Variants in ITK observed in about 807,000 individuals in gnomAD.
The protein encoded by ITK is IL2 inducible T cell kinase, also known as tyrosine-protein kinase ITK/TSK.
A neutral mutation model predicts 87.6 loss-of-function variants in ITK; 45 were observed. The observed-to-expected ratio is 0.51, with a 90% confidence interval of 0.40 to 0.66. ITK has a LOEUF of 0.66. Among genes scored for constraint, ITK ranks in the 30% least tolerant of loss-of-function variants. ITK has a pLI of 0.00. For missense variants in ITK, 605 were observed against 766.3 expected (o/e 0.79, Z 2.48); for synonymous variants, 303 against 273.6 (o/e 1.11, Z -1.06).
At chr5:157,224,622 A>G (rs999141118) in intron 6 of ITK, among the ~76,000 whole-genome samples, 5 of 152,106 alleles carry the variant, frequency 3.3e-5, no homozygotes, top group African/African-American at 1.2e-4. Context: ...TCTACTAAAA[A>G]TACAAGAAAT....
chr5:157,221,130 A>G (rs1281556078), intron 5 of ITK, among the ~76,000 whole-genome samples: 2 of 152,200 alleles, frequency 1.3e-5, no homozygotes, highest in Non-Finnish European at 2.9e-5. Flanking sequence ...GTGTTTCTAT[A>G]TAAATATTGG....
rs202119873 is a variant in ITK, at chr5:157,243,742, C to G, written c.1180C>G (p.Arg394Gly). The change falls in exon 12 of 17, where the codon CGG becomes GGG. Residue 394 changes from arginine to glycine, a missense_variant. Arg to Gly is a moderately radical substitution (Grantham distance 125). This residue lies in a region of ITK where 464 missense variants were observed against 578.0 expected (regional missense o/e 0.80). Transcript: ENST00000422843. ...GGACAAGGTGGCTATCAAAACCATTCGGGAAGGGGCTATGTCAGAAGAGGA... is the reference window on the plus strand; with the variant it reads ...GGACAAGGTGGCTATCAAAACCATTGGGGAAGGGGCTATGTCAGAAGAGGA... ...NKDKVAIKTI[R>G]EGAMSEEDFI... 2 of 1,613,962 alleles carry G rather than the reference C, an allele frequency of 1.2e-6. No homozygotes were observed. Among genetic ancestry groups the G allele is most frequent in the African/African-American group, 2.7e-5 (2 of 74,944 alleles).
intron 6 of ITK, among the ~76,000 whole-genome samples, chr5:157,227,728 A>G (rs1310338995): frequency 6.6e-6 from 1 of 152,022 alleles, no homozygotes; most frequent in Non-Finnish European, 1.5e-5. Context: ...CTTTTTAAGT[A>G]AAATCGCCAC....
At chr5:157,244,007 ACC>A in intron 12 of ITK, 1 of 669,180 alleles carries the variant, frequency 1.5e-6, no homozygotes, top group East Asian at 2.7e-5. Context: ...CTCAGCTCCT[ACC>A]CATCTCTCCT....
intron 15 of ITK, among the ~76,000 whole-genome samples, chr5:157,246,292 G>A (rs1004593471): frequency 6.6e-6 from 1 of 152,186 alleles, no homozygotes; most frequent in Non-Finnish European, 1.5e-5. Context: ...TCAAATATGA[G>A]CCCCTTGAAG....
intron 1 of ITK, among the ~76,000 whole-genome samples, chr5:157,190,484 T>C (rs2113739077): frequency 6.6e-6 from 1 of 152,334 alleles, no homozygotes; most frequent in East Asian, 1.9e-4. Context: ...GCAGGTGTCT[T>C]AGGTTGGTGC....
At chr5:157,233,959 A>ATT (rs1754720174) in intron 8 of ITK, among the ~76,000 whole-genome samples, 4 of 28,680 alleles carry the variant, frequency 1.4e-4, no homozygotes, top group Non-Finnish European at 2.5e-4. Context: ...ATATATATAT[A>ATT]TATATTTTTT....
intron 6 of ITK, among the ~76,000 whole-genome samples, chr5:157,226,593 A>G (rs567809771): frequency 7.3e-4 from 111 of 152,264 alleles, no homozygotes; most frequent in African/African-American, 2.6e-3. Context: ...TTGATTAGCA[A>G]TGTCTGCCAG....
intron 15 of ITK, 51 bp downstream of exon 15, chr5:157,246,050 C>A: frequency 8.0e-7 from 1 of 1,256,176 alleles, no homozygotes; most frequent in South Asian, 1.2e-5. Context: ...TTCAGGCCAG[C>A]TGTTTCCTTT....
In ITK at chr5:157,180,918, T is replaced by C; in HGVS notation, c.-60T>C. 1 of 1,587,676 alleles carries C rather than the reference T, an allele frequency of 6.3e-7. No individual in the cohort carries two copies. Among genetic ancestry groups the C allele is most frequent in the Non-Finnish European group, 8.6e-7 (1 of 1,157,176 alleles). On this transcript the variant is annotated 5_prime_UTR_variant, in exon 1 of 17. Transcript: ENST00000422843. ...CATTGCATTCTTTGCCCCAAAACTC[T>C]TTCCTTTGGTTGTGCTAAGAGGTGA...
At chr5:157,209,814 A>G (rs1754152064) in intron 2 of ITK, among the ~76,000 whole-genome samples, 1 of 152,216 alleles carries the variant, frequency 6.6e-6, no homozygotes, top group Non-Finnish European at 1.5e-5. Context: ...CGATATTAAA[A>G]ATTCAGCTTC....
At chr5:157,243,121 T>C (rs1274258223) in intron 11 of ITK, among the ~76,000 whole-genome samples, 1 of 152,246 alleles carries the variant, frequency 6.6e-6, no homozygotes, top group African/African-American at 2.4e-5. Context: ...TCGTATTTGT[T>C]TGTTAAACAT....
chr5:157,218,098 A>C (rs890868756), intron 5 of ITK, among the ~76,000 whole-genome samples, 191 bp downstream of exon 5: 1 of 152,184 alleles, frequency 6.6e-6, no homozygotes, highest in Non-Finnish European at 1.5e-5. Context: ...CTGTCCACTT[A>C]AAGGACCATT....
intron 1 of ITK, among the ~76,000 whole-genome samples, chr5:157,203,945 G>A (rs574908584): frequency 6.6e-6 from 1 of 152,310 alleles, no homozygotes; most frequent in South Asian, 2.1e-4. Context: ...GGGTTATGGG[G>A]AAGGGTGGGA....
chr5:157,214,807 T>C (rs1252400716), intron 4 of ITK, among the ~76,000 whole-genome samples: 3 of 152,220 alleles, frequency 2.0e-5, no homozygotes, highest in African/African-American at 7.2e-5. Flanking sequence ...TTCAACTCTA[T>C]ACCCTTAAAG....
At chr5:157,240,567 G>T in intron 10 of ITK, 1 of 317,570 alleles carries the variant, frequency 3.1e-6, no homozygotes, top group South Asian at 3.2e-5. Context: ...AATACCTGAG[G>T]CTGGGTAATT....
At chr5:157,198,634 G>C (rs1407702225) in intron 1 of ITK, among the ~76,000 whole-genome samples, 7 of 152,202 alleles carry the variant, frequency 4.6e-5, no homozygotes, top group Non-Finnish European at 1.0e-4. Flanking sequence ...CTTTAGAATA[G>C]AGGGAGGTTA....
chr5:157,252,259 T>C (rs1027921260), intron 16 of ITK, among the ~76,000 whole-genome samples: 1 of 152,238 alleles, frequency 6.6e-6, no homozygotes, highest in Non-Finnish European at 1.5e-5. Context: ...TAGCATTAAT[T>C]TCTTGATATA....
chr5:157,233,330 A>C (rs1437479919), intron 8 of ITK, among the ~76,000 whole-genome samples: 2 of 152,244 alleles, frequency 1.3e-5, no homozygotes, highest in African/African-American at 4.8e-5. Context: ...AAATGCAGAA[A>C]AAAGAGCAAG....
Sources: allele counts gnomAD v4.1 joint callset (sites outside exome capture counted in the v4.1 genomes callset), GRCh38; gene constraint gnomAD v4.1.1; regional missense constraint gnomAD v4.1.1; transcripts MANE v1.5; gene names NCBI Gene and HGNC (gene_info 2026-07-23, HGNC 2026-07-21).